The following DGKD variants were observed in gnomAD, a reference collection of about 807,000 sequenced individuals.
DGKD encodes the protein DAG kinase delta.
In DGKD, 68 loss-of-function variants were observed where a neutral mutation model predicts 154.4. The ratio of observed to expected loss-of-function variants is 0.44; its 90% CI spans 0.36 to 0.54. The LOEUF is 0.54. Among genes scored for constraint, DGKD ranks in the 20% least tolerant of loss-of-function variants. The pLI is 0.00. For synonymous variants in DGKD, 693 were observed against 638.0 expected, an observed-to-expected ratio of 1.09 and a Z score of -1.30; for missense variants, 1,343 against 1,593.6, an observed-to-expected ratio of 0.84 and a Z score of 2.68.
At chr2:233,401,964 A>G (rs149634445) in intron 3 of DGKD, among the ~76,000 whole-genome samples, 1 of 141,648 alleles carries the variant, frequency 7.1e-6, no homozygotes, top group African/African-American at 2.6e-5. Flanking sequence ...ACTATAAACC[A>G]TCGAGGGGCC....
chr2:233,432,889 T>C (rs1303861675), intron 3 of DGKD, among the ~76,000 whole-genome samples: 1 of 152,130 alleles, frequency 6.6e-6, no homozygotes, highest in Non-Finnish European at 1.5e-5. Flanking sequence ...AAAATTACAA[T>C]GAGATAATGT....
chr2:233,454,987 G>A (rs902411998), intron 19 of DGKD, 114 bp downstream of exon 19: 13 of 650,626 alleles, frequency 2.0e-5, no homozygotes, highest in East Asian at 2.9e-5. Flanking sequence ...ATGCTAAGGC[G>A]GGGGGCAGAA....
At chr2:233,424,228 T>G (rs2062216647) in intron 3 of DGKD, among the ~76,000 whole-genome samples, 1 of 152,180 alleles carries the variant, frequency 6.6e-6, no homozygotes, top group African/African-American at 2.4e-5. Flanking sequence ...TTGATCTTTT[T>G]TGTCATTTAA....
rs78562984 is a variant in DGKD at position 233,434,646 on chromosome 2, C to T, written c.454-123C>T. ...CTTATTGCTTGTCCTCTCAGCAGAC[C>T]TGTCCTTTATAAACCTTCCTCCTCT... On this transcript the variant is annotated intron_variant, in intron 4 of 29. Transcript: ENST00000264057. 1.2e-3 allele frequency: 1,796 copies of T among 1,498,752 alleles called. 17 individuals are homozygous for T. The African/African-American group carries it at 0.021, about 17-fold the overall frequency. 92.8% of individuals were successfully genotyped at this position (1,498,752 alleles called of 1,614,324 possible).
At position 233,469,737 on chromosome 2, in the gene DGKD, C is replaced by G; in HGVS notation, c.*277C>G. 2.3e-6 allele frequency: 1 copy of G among 431,014 alleles called. No homozygotes were observed. The highest frequency in any genetic ancestry group is 3.0e-5 in the South Asian group (1 of 33,384). The allele number at this position is 431,014 out of a possible 1,614,324, so 26.7% of individuals were successfully genotyped here. A position where few individuals can be genotyped will look rare whatever the true frequency, so the allele number is the denominator to read the frequency against. On this transcript the variant is annotated 3_prime_UTR_variant, in exon 30 of 30. Coordinates refer to ENST00000264057, the MANE Select transcript of DGKD (RefSeq NM_152879.3). ...CTGGGGCACATGTGTCACGGCCACTCAGCTCTCGCCCGCCTGTGCTGTGGG... is the reference window on the plus strand; with the variant it reads ...CTGGGGCACATGTGTCACGGCCACTGAGCTCTCGCCCGCCTGTGCTGTGGG...
In DGKD at chr2:233,449,479, C is replaced by T; in HGVS notation, c.1888+103C>T. On this transcript the variant is annotated intron_variant, in intron 15 of 29. Transcript: ENST00000264057. This position sits in a 1 kb window ranked among gnomAD's most constrained non-coding sequence, Gnocchi z 5.3. ...GACAGAAGGGTGCATGTTGAGAAAA[C>T]CTCCACTGCGGCCCTCTCCACCCAT... 3 of 1,435,058 alleles carry T rather than the reference C, an allele frequency of 2.1e-6. No homozygotes were observed. Among genetic ancestry groups the T allele is most frequent in the Non-Finnish European group, 2.8e-6 (3 of 1,083,756 alleles). 88.9% of individuals were successfully genotyped at this position (1,435,058 alleles called of 1,614,324 possible).
intron 12 of DGKD, chr2:233,447,861 G>T (rs2063137469): frequency 7.3e-7 from 1 of 1,373,676 alleles, no homozygotes; most frequent in African/African-American, 1.5e-5. Context: ...TTTGCAGTTT[G>T]CCTGCAGCTT....
intron 3 of DGKD, among the ~76,000 whole-genome samples, chr2:233,409,539 G>T (rs2061770867): frequency 6.6e-6 from 1 of 151,588 alleles, no homozygotes; most frequent in Admixed American, 6.6e-5. Flanking sequence ...TACAAAAATG[G>T]TATCATTCTC....
intron 1 of DGKD, among the ~76,000 whole-genome samples, chr2:233,377,078 CT>C (rs755610624): frequency 2.5e-3 from 329 of 129,298 alleles, no homozygotes; most frequent in East Asian, 4.0e-3. Context: ...TAGCATGTTC[CT>C]TTTTTTTTTT....
intron 3 of DGKD, among the ~76,000 whole-genome samples, chr2:233,397,069 C>T (rs28558659): frequency 0.11 from 1,087 of 9,854 alleles, no homozygotes; most frequent in Middle Eastern, 0.2. Context: ...GGGTGGCTGG[C>T]AGAGGCCAGA....
In DGKD at chr2:233,434,508, C is replaced by T. The variant is rs762736041; in HGVS notation, c.453+24C>T. 10 of 1,602,112 alleles carry T rather than the reference C, an allele frequency of 6.2e-6. No homozygotes were observed. In the Admixed American group the frequency reaches 1.7e-4, roughly 27 times the overall value. On this transcript the variant is annotated intron_variant, in intron 4 of 29. Transcript: ENST00000264057. Reference sequence around the variant, plus strand: ...AGGTTAAAAAAGAAAATACCCTTCTCCAAATGCCTCCTGTTGCCTCCCTCA... The same window carrying T: ...AGGTTAAAAAAGAAAATACCCTTCTTCAAATGCCTCCTGTTGCCTCCCTCA...
At chr2:233,361,797 A>AT (rs886217848) in intron 1 of DGKD, among the ~76,000 whole-genome samples, 23 of 149,780 alleles carry the variant, frequency 1.5e-4, no homozygotes, top group Admixed American at 6.7e-4. Context: ...GATACTAGAC[A>AT]TTTTTTTTTT....
intron 1 of DGKD, among the ~76,000 whole-genome samples, chr2:233,368,157 C>T (rs1438128582): frequency 6.6e-6 from 1 of 152,082 alleles, no homozygotes; most frequent in African/African-American, 2.4e-5. Flanking sequence ...ATGGAGATTC[C>T]TGCCACCCCC....
rs547934793 is a variant in DGKD at position 233,469,907 on chromosome 2, G to A, written c.*447G>A. The A allele has an allele frequency of 9.4e-5, 15 of 159,540 alleles. No homozygotes were observed. In the South Asian group the frequency reaches 2.1e-3, roughly 23 times the overall value. The allele number at this position is 159,540 out of a possible 1,614,324, so 9.9% of individuals were successfully genotyped here. A position where few individuals can be genotyped will look rare whatever the true frequency, so the allele number is the denominator to read the frequency against. On this transcript the variant is annotated 3_prime_UTR_variant, in exon 30 of 30. Coordinates refer to ENST00000264057, the MANE Select transcript of DGKD (RefSeq NM_152879.3). Reference sequence around the variant, plus strand: ...TGGCCCCCAGCCAGTTCTCAGAAACGTGGCTGGGGCCCAGCACAGCAGCCT... The same window carrying A: ...TGGCCCCCAGCCAGTTCTCAGAAACATGGCTGGGGCCCAGCACAGCAGCCT...
chr2:233,407,213 C>T (rs2061708212), intron 3 of DGKD, among the ~76,000 whole-genome samples: 1 of 152,194 alleles, frequency 6.6e-6, no homozygotes, highest in Non-Finnish European at 1.5e-5. Flanking sequence ...AACTTGCTAA[C>T]ATGTAACAGT....
chr2:233,428,137 A>C lies in DGKD; in HGVS notation c.349-6243A>C, dbSNP rs751701286. ...ACAGGAGTAGGAGGGGAGCCAGAGG[A>C]GGAGGAGGTGGGCCCTTGCCTAAGG... On this transcript the variant is annotated intron_variant, in intron 3 of 29. Transcript: ENST00000264057. Among the ~76,000 whole-genome samples the C allele has an allele frequency of 5.3e-4, 80 of 152,128 alleles. 1 individual carries two copies. Among genetic ancestry groups the C allele is most frequent in the Non-Finnish European group, 8.8e-4 (60 of 68,020 alleles).
At chr2:233,362,148 A>G (rs1004412012) in intron 1 of DGKD, among the ~76,000 whole-genome samples, 12 of 152,210 alleles carry the variant, frequency 7.9e-5, no homozygotes, top group Admixed American at 6.5e-5. Flanking sequence ...AAATTAACTA[A>G]CCAAAAAAAG....
intron 1 of DGKD, among the ~76,000 whole-genome samples, chr2:233,358,038 A>T (rs1307706317): frequency 1.3e-5 from 2 of 152,234 alleles, no homozygotes; most frequent in African/African-American, 4.8e-5. Context: ...TTAGCATTTC[A>T]TGCATGTCTG....
chr2:233,396,757 G>A (rs1475247318), intron 3 of DGKD, among the ~76,000 whole-genome samples: 2 of 152,112 alleles, frequency 1.3e-5, no homozygotes, highest in Non-Finnish European at 1.5e-5. Flanking sequence ...CTTTGTGTGT[G>A]TCTGTGTGTT....
Sources: gnomAD v4.1 joint callset for allele counts (sites outside exome capture counted in the v4.1 genomes callset) on GRCh38, gnomAD v4.1.1 for gene constraint, Gnocchi (gnomAD v3.1) non-coding constraint, MANE v1.5 for transcripts, NCBI Gene and HGNC (gene_info 2026-07-23, HGNC 2026-07-21) for gene names.